The following MMRN2 variants were observed in gnomAD, a reference collection of about 807,000 sequenced individuals.
The protein encoded by MMRN2 is multimerin 2.
A neutral mutation model predicts 68.8 loss-of-function variants in MMRN2; 53 were observed. The ratio of observed to expected loss-of-function variants is 0.77; its 90% CI spans 0.62 to 0.97. The LOEUF is 0.97. MMRN2 is among the 50% of genes least tolerant of loss of function. The pLI is 0.00. For missense variants in MMRN2, 1,266 were observed against 1,259.5 expected (o/e 1.01, Z -0.08); for synonymous variants, 564 against 551.6 (o/e 1.02, Z -0.32).
rs567353720 is a variant in MMRN2, at chr10:86,939,954, G to A, written c.2467+2363C>T. On this transcript the variant is annotated intron_variant, in intron 6 of 6. Transcript: ENST00000372027. ...CAACCTCTGCCTCCCAGGTTCAAGC[G>A]ATTCTCCTGCCTCAGCCTTCCAGGT... 1.4e-3 allele frequency among the ~76,000 whole-genome samples: 208 copies of A among 151,754 alleles called. 1 individual carries two copies. Among genetic ancestry groups the A allele is most frequent in the Non-Finnish European group, 1.6e-3 (109 of 67,920 alleles).
intron 4 of MMRN2, 100 bp from the exon 5 acceptor site, chr10:86,944,535 T>C: frequency 7.4e-7 from 1 of 1,345,268 alleles, no homozygotes; most frequent in Non-Finnish European, 1.0e-6. Flanking sequence ...AGCAGGGAAG[T>C]TAGCTGCTGA....
intron 1 of MMRN2, among the ~76,000 whole-genome samples, chr10:86,953,811 G>A (rs537446202): frequency 7.2e-5 from 11 of 152,306 alleles, no homozygotes; most frequent in African/African-American, 1.4e-4. Flanking sequence ...CCCCAGGCAC[G>A]CCTGGCCTGG....
In MMRN2 at chr10:86,939,833, GTGTGTT is replaced by G. The variant is rs1265737183; in HGVS notation, c.2467+2478_2467+2483del. Among the ~76,000 whole-genome samples the G allele has an allele frequency of 8.9e-4, 112 of 126,514 alleles. 1 individual carries two copies. Among genetic ancestry groups the G allele is most frequent in the African/African-American group, 1.6e-3 (57 of 34,770 alleles). 83.0% of individuals were successfully genotyped at this position (126,514 alleles called of 152,430 possible). On this transcript the variant is annotated intron_variant, in intron 6 of 6. Transcript: ENST00000372027. Reference sequence around the variant, plus strand: ...TGTGTGTGTGTGTGTGTGTGTGTGTGTGTGTTTGTGTGTGTGTGTGTGTGTGTGTGT... The same window carrying G: ...TGTGTGTGTGTGTGTGTGTGTGTGTGTGTGTGTGTGTGTGTGTGTGTGTGT...
rs1002058518 is a variant in MMRN2, at chr10:86,942,183, G to T, written c.2467+134C>A. On this transcript the variant is annotated intron_variant, in intron 6 of 6. Transcript: ENST00000372027. Reference sequence around the variant, plus strand: ...CCCTGAGAAGCAGGTGGGCCAAGGGGAAGGTGGACCTAGTAGGGGTGACGG... The same window carrying T: ...CCCTGAGAAGCAGGTGGGCCAAGGGTAAGGTGGACCTAGTAGGGGTGACGG... The T allele has an allele frequency of 3.8e-6, 4 of 1,055,718 alleles. No homozygotes were observed. The South Asian group carries it at 7.2e-5, about 19-fold the overall frequency. The allele number at this position is 1,055,718 out of a possible 1,614,324, so 65.4% of individuals were successfully genotyped here. A position where few individuals can be genotyped will look rare whatever the true frequency, so the allele number is the denominator to read the frequency against.
rs371020260 is a variant in MMRN2, at chr10:86,936,913, G to A, written c.2680C>T (p.Arg894Trp). The A allele has an allele frequency of 2.4e-5, 38 of 1,614,110 alleles. No individual in the cohort carries two copies. The highest frequency in any genetic ancestry group is 4.0e-5 in the African/African-American group (3 of 74,938). ...TGCCCAGTGGTACAGACTGGAGTCC[G>A]ATGGTGACCTCCAAACACCAGCTGC... is the stretch of plus-strand genomic sequence containing the variant. Reference protein sequence around the residue: ...TGQLVFGGHHRTPVCTTGQGS... With the variant: ...TGQLVFGGHHWTPVCTTGQGS... Residue 894 changes from arginine (R) to tryptophan (W), a missense_variant, in exon 7 of 7, where the codon CGG becomes TGG. Physicochemically the swap from Arg to Trp is moderately radical, Grantham distance 101. Transcript: ENST00000372027.
In MMRN2 at chr10:86,937,044, TTGA is replaced by T. The variant is rs1399913943; in HGVS notation, c.2546_2548del (p.Ile849del). ...TTCAGGGAAGTAGCTGCTGCCAATG[TTGA>T]TGTATGTGGTGTTGAACTTCACTGT... On this transcript the variant is annotated inframe_deletion, in exon 7 of 7. Transcript: ENST00000372027. 6.2e-7 allele frequency: 1 copy of T among 1,614,198 alleles called. No homozygotes were observed. The highest frequency in any genetic ancestry group is 1.1e-5 in the South Asian group (1 of 91,086).
chr10:86,947,603 C>G (rs1028376933), intron 1 of MMRN2, among the ~76,000 whole-genome samples: 2 of 152,010 alleles, frequency 1.3e-5, no homozygotes, highest in Non-Finnish European at 2.9e-5. Context: ...AAACTCCTGA[C>G]CTCGTGATCC....
intron 6 of MMRN2, among the ~76,000 whole-genome samples, chr10:86,937,334 C>G (rs774480238): frequency 6.6e-6 from 1 of 152,134 alleles, no homozygotes; most frequent in Non-Finnish European, 1.5e-5. Flanking sequence ...AAGGAAAATG[C>G]AAGTCTGTTG....
rs1270483807 is a variant in MMRN2 at position 86,942,949 on chromosome 10, G to T, written c.1835C>A (p.Ala612Glu). ...CTCCAGCACCTCCTCCCCGAAGAGC[G>T]CGGCCAGCACCGCCTCGTGCCGCAG... The part of the protein sequence containing the change: ...DALRHEAVLA[A>E]LFGEEVLEEM... Residue 612 changes from alanine (A) to glutamate (E), a missense_variant, in exon 6 of 7, where the codon GCG (alanine) becomes GAG (glutamate). Physicochemically the swap from Ala to Glu is moderately radical, Grantham distance 107. Transcript: ENST00000372027. 1.3e-6 allele frequency: 2 copies of T among 1,501,174 alleles called. No individual in the cohort carries two copies. Among genetic ancestry groups the T allele is most frequent in the South Asian group, 2.5e-5 (2 of 81,168 alleles). The allele number at this position is 1,501,174 out of a possible 1,614,324, so 93.0% of individuals were successfully genotyped here. A position where few individuals can be genotyped will look rare whatever the true frequency, so the allele number is the denominator to read the frequency against.
In MMRN2 at chr10:86,942,775, T is replaced by C. The variant is rs1843994277; in HGVS notation, c.2009A>G (p.Glu670Gly). 3.6e-6 allele frequency: 5 copies of C among 1,370,062 alleles called. No individual in the cohort carries two copies. Among genetic ancestry groups the C allele is most frequent in the Non-Finnish European group, 4.7e-6 (5 of 1,067,412 alleles). The allele number at this position is 1,370,062 out of a possible 1,614,324, so 84.9% of individuals were successfully genotyped here. A position where few individuals can be genotyped will look rare whatever the true frequency, so the allele number is the denominator to read the frequency against. ...ARVTALEQAS[E>G]PPRPAEHLEP... ...CAGGTGCTCTGCCGGCCGCGGGGGC[T>C]CCGAGGCCTGCTCCAGGGCCGTCAC... Residue 670 changes from glutamate to glycine, a missense_variant, in exon 6 of 7, where the codon GAG (glutamate) becomes GGG (glycine). Glu to Gly is a moderately conservative substitution (Grantham distance 98). Coordinates refer to ENST00000372027, the MANE Select transcript of MMRN2 (RefSeq NM_024756.3).
At chr10:86,946,525 C>G (rs895767598) in intron 1 of MMRN2, among the ~76,000 whole-genome samples, 3 of 152,210 alleles carry the variant, frequency 2.0e-5, no homozygotes, top group Non-Finnish European at 4.4e-5. Flanking sequence ...ATCCCGCACA[C>G]CTGATAGGTA....
chr10:86,946,746 C>T lies in MMRN2; in HGVS notation c.165-1057G>A, dbSNP rs890285167. On this transcript the variant is annotated intron_variant, in intron 1 of 6. Transcript: ENST00000372027. Reference sequence around the variant, plus strand: ...CAATGATCTCTGTGGCACAGTACAGCTCAGCACCTCTTGGGTGCCGGGTGC... The same window carrying T: ...CAATGATCTCTGTGGCACAGTACAGTTCAGCACCTCTTGGGTGCCGGGTGC... Among the ~76,000 whole-genome samples, 5 of 152,310 alleles carry T rather than the reference C, an allele frequency of 3.3e-5. No individual in the cohort carries two copies. In the South Asian group the frequency reaches 1.0e-3, roughly 32 times the overall value.
Position 86,957,492 on chromosome 10 carries a change from AG to A in MMRN2, c.49del (p.Leu17CysfsTer37). On this transcript the variant is annotated frameshift_variant, in exon 1 of 7. Coordinates refer to ENST00000372027, the MANE Select transcript of MMRN2 (RefSeq NM_024756.3). LOFTEE classifies it high-confidence loss of function. The stretch of plus-strand genomic sequence containing the variant: ...GGAAGCCTGGGCCCATGCCCCCAGC[AG>A]CCCCCAGCCCAGGGGGCCCCCAAGG... The part of the protein sequence containing the change: ...FSLGGPLGWG[L>X]LGAWAQASST... 1 of 1,613,128 alleles carries A rather than the reference AG, an allele frequency of 6.2e-7. No individual in the cohort carries two copies. The highest frequency in any genetic ancestry group is 8.5e-7 in the Non-Finnish European group (1 of 1,179,942).
chr10:86,943,668 C>A lies in MMRN2; in HGVS notation c.1116G>T (p.Arg372Ser), dbSNP rs764514943. The A allele has an allele frequency of 1.2e-6, 2 of 1,612,004 alleles. No homozygotes were observed. ...AGAGGTTCCTCTGCAGCTGGCCCAG[C>A]CTGGCCTGCAGGCTGTCCGGCTCAG... Reference protein sequence around the residue: ...ARPEPDSLQARLGQLQRNLSE... With the variant: ...ARPEPDSLQASLGQLQRNLSE... Residue 372 changes from arginine to serine, a missense_variant, in exon 6 of 7, where the codon AGG becomes AGT. By Grantham distance (110) the Arg-to-Ser change is moderately radical. Transcript: ENST00000372027. The surrounding 1 kb of genome is among the most constrained non-coding windows in gnomAD (Gnocchi z 4.2).
In MMRN2 at chr10:86,942,892, G is replaced by C. The variant is rs1843997063; in HGVS notation, c.1892C>G (p.Pro631Arg). 4 of 1,453,798 alleles carry C rather than the reference G, an allele frequency of 2.8e-6. No homozygotes were observed. The highest frequency in any genetic ancestry group is 3.6e-6 in the Non-Finnish European group (4 of 1,101,852). The allele number at this position is 1,453,798 out of a possible 1,614,324, so 90.1% of individuals were successfully genotyped here. ...CACGCGGATCTGCTCGTAGCTCAGG[G>C]GCAGCGGTCCCGGCGTCTGCTCAGA... is the stretch of plus-strand genomic sequence containing the variant. ...EMSEQTPGPL[P>R]LSYEQIRVAL... The change falls in exon 6 of 7, where the codon CCC becomes CGC. Residue 631 changes from proline (P) to arginine (R), a missense_variant. Pro to Arg is a moderately radical substitution (Grantham distance 103). Transcript: ENST00000372027.
At chr10:86,945,167 C>T in intron 4 of MMRN2, 21 bp downstream of exon 4, 5 of 1,611,880 alleles carry the variant, frequency 3.1e-6, no homozygotes, top group Non-Finnish European at 4.2e-6. Context: ...GCCTGCCTTC[C>T]CCTTCCGGAA....
chr10:86,954,283 G>T (rs1477831972), intron 1 of MMRN2: 3 of 152,412 alleles, frequency 2.0e-5, no homozygotes, highest in African/African-American at 7.2e-5. Context: ...GCCCCAACCT[G>T]CTGCTCCACC....
Position 86,945,661 on chromosome 10 carries a change from G to A in MMRN2, c.193C>T (p.Leu65=). Residue 65 remains leucine, a synonymous_variant, in exon 2 of 7, where the codon CTG becomes TTG. Coordinates refer to ENST00000372027, the MANE Select transcript of MMRN2 (RefSeq NM_024756.3). ...RNWCPYPMSK[L]VTLLALCKTE... is the part of the protein sequence containing the mutation. Reference sequence around the variant, plus strand: ...TTGCAAAGAGCTAGTAAGGTGACCAGCTTGGACATTGGGTAGGGGCACCAG... The same window carrying A: ...TTGCAAAGAGCTAGTAAGGTGACCAACTTGGACATTGGGTAGGGGCACCAG... 6.2e-7 allele frequency: 1 copy of A among 1,614,082 alleles called. No homozygotes were observed. Among genetic ancestry groups the A allele is most frequent in the South Asian group, 1.1e-5 (1 of 91,070 alleles).
chr10:86,945,069 T>C (rs1053220705), intron 4 of MMRN2, 119 bp downstream of exon 4: 1 of 864,266 alleles, frequency 1.2e-6, no homozygotes, highest in African/African-American at 1.7e-5. Context: ...GAGCAGGCCT[T>C]GCTGATTCTG....
Sources: allele counts gnomAD v4.1 joint callset (sites outside exome capture counted in the v4.1 genomes callset), GRCh38; gene constraint gnomAD v4.1.1; non-coding constraint Gnocchi (gnomAD v3.1); transcripts MANE v1.5; gene names NCBI Gene and HGNC (gene_info 2026-07-23, HGNC 2026-07-21).